PHACTR3: variants seen among roughly 807,000 people sequenced by gnomAD.
PHACTR3 encodes the protein protein phosphatase 1, regulatory subunit 123.
Under a neutral mutation model 66.8 loss-of-function variants are expected in PHACTR3, and 16 were observed. That is an observed-to-expected ratio of 0.24 (90% CI 0.16 to 0.36). PHACTR3 has a LOEUF of 0.36. PHACTR3 is among the 10% of genes least tolerant of loss of function. The probability of loss-of-function intolerance (pLI) is 1.00; values close to 1 mark genes in which losing one functional copy is unlikely to be tolerated. For missense variants in PHACTR3, 647 were observed against 719.9 expected, an observed-to-expected ratio of 0.90 and a Z score of 1.16; for synonymous variants, 323 against 292.1, an observed-to-expected ratio of 1.11 and a Z score of -1.08.
At chr20:59,766,389 GA>G (rs2040182051) in intron 4 of PHACTR3, among the ~76,000 whole-genome samples, 1 of 152,218 alleles carries the variant, frequency 6.6e-6, no homozygotes, top group African/African-American at 2.4e-5. Context: ...AAATGGAAAG[GA>G]ATCCAGGCAA....
chr20:59,707,864 C>T (rs929321139), intron 1 of PHACTR3, among the ~76,000 whole-genome samples: 7 of 152,136 alleles, frequency 4.6e-5, no homozygotes, highest in Admixed American at 4.6e-4. Context: ...ACATCAGTGC[C>T]GTATTTCTTG....
At chr20:59,726,911 G>C (rs1291442225) in intron 1 of PHACTR3, among the ~76,000 whole-genome samples, 1 of 152,072 alleles carries the variant, frequency 6.6e-6, no homozygotes, top group African/African-American at 2.4e-5. Flanking sequence ...TTCCTGCACT[G>C]TGTTTTGTCT....
At chr20:59,741,196 C>A (rs2039148288) in intron 1 of PHACTR3, among the ~76,000 whole-genome samples, 1 of 152,262 alleles carries the variant, frequency 6.6e-6, no homozygotes, top group African/African-American at 2.4e-5. Context: ...TCTGCATCAG[C>A]TTAGGGCTCC....
At chr20:59,608,287 G>T (rs974448205) in intron 1 of PHACTR3, among the ~76,000 whole-genome samples, 1 of 151,926 alleles carries the variant, frequency 6.6e-6, no homozygotes, top group Non-Finnish European at 1.5e-5. Flanking sequence ...TTTCCCCTAG[G>T]CCTGACCTTC....
intron 1 of PHACTR3, among the ~76,000 whole-genome samples, chr20:59,676,058 T>C (rs756540047): frequency 3.3e-5 from 5 of 152,202 alleles, no homozygotes; most frequent in African/African-American, 4.8e-5. Flanking sequence ...GGGACTTGGC[T>C]CCAGGCAGCC....
rs140205830 is a variant in PHACTR3, at chr20:59,730,514, G to A, written c.119-12593G>A. On this transcript the variant is annotated intron_variant, in intron 1 of 12. Coordinates refer to ENST00000371015, the MANE Select transcript of PHACTR3 (RefSeq NM_080672.5). Reference sequence around the variant, plus strand: ...CCCTGTTTGCTTGCTTGCTTGCGGGGTAGGCAGGAGTGGAAGCGGGAAACC... The same window carrying A: ...CCCTGTTTGCTTGCTTGCTTGCGGGATAGGCAGGAGTGGAAGCGGGAAACC... Among the ~76,000 whole-genome samples the A allele has an allele frequency of 6.8e-3, 1,030 of 152,206 alleles. 10 individuals carry two copies. Among genetic ancestry groups the A allele is most frequent in the African/African-American group, 0.023 (956 of 41,484 alleles).
At chr20:59,815,635 G>A (rs1230420325) in intron 8 of PHACTR3, among the ~76,000 whole-genome samples, 1 of 152,098 alleles carries the variant, frequency 6.6e-6, no homozygotes, top group Non-Finnish European at 1.5e-5. Context: ...ATGTTGGCCA[G>A]GATGGTCTTG....
rs193046808 is a variant in PHACTR3 at position 59,800,368 on chromosome 20, T to C, written c.1175-5673T>C. ...GCTGGTGATGAAATCTTCCAGCTTT[T>C]TTATGTCCAAGAAGGTACTTATTTT... On this transcript the variant is annotated intron_variant, in intron 7 of 12. Coordinates refer to ENST00000371015, the MANE Select transcript of PHACTR3 (RefSeq NM_080672.5). Among the ~76,000 whole-genome samples, 11 of 152,306 alleles carry C rather than the reference T, an allele frequency of 7.2e-5. No individual in the cohort carries two copies. The East Asian group carries it at 1.5e-3, about 21-fold the overall frequency.
intron 1 of PHACTR3, among the ~76,000 whole-genome samples, chr20:59,591,228 G>A (rs56030538): frequency 0.035 from 5,251 of 152,180 alleles, 132 homozygotes; most frequent in Middle Eastern, 0.078. Context: ...TCCCTCGCAC[G>A]GACACATCTC....
At chr20:59,827,848 G>C (rs749063369) in intron 8 of PHACTR3, among the ~76,000 whole-genome samples, 13 of 152,292 alleles carry the variant, frequency 8.5e-5, no homozygotes, top group Non-Finnish European at 1.3e-4. Flanking sequence ...GCTTGGCGGG[G>C]CTTCCTGGTG....
chr20:59,780,083 G>A (rs1316163335), intron 7 of PHACTR3, among the ~76,000 whole-genome samples: 1 of 152,168 alleles, frequency 6.6e-6, no homozygotes, highest in African/African-American at 2.4e-5. Flanking sequence ...GGGGAGCGAG[G>A]GACTGAGGGG....
At position 59,800,566 on chromosome 20, in the gene PHACTR3, C is replaced by A. The variant is rs532510962; in HGVS notation, c.1175-5475C>A. Among the ~76,000 whole-genome samples the A allele has an allele frequency of 2.6e-5, 4 of 152,200 alleles. No homozygotes were observed. In the East Asian group the frequency reaches 7.7e-4, roughly 29 times the overall value. On this transcript the variant is annotated intron_variant, in intron 7 of 12. Coordinates refer to ENST00000371015, the MANE Select transcript of PHACTR3 (RefSeq NM_080672.5). ...TCTATACAGTGAATACAGATAATGT[C>A]TTTTTATTTCTGTACACTTTTAATA... is the stretch of plus-strand genomic sequence containing the variant.
chr20:59,714,364 T>A (rs192155333), intron 1 of PHACTR3, among the ~76,000 whole-genome samples: 1 of 152,320 alleles, frequency 6.6e-6, no homozygotes, highest in Admixed American at 6.5e-5. Context: ...ATTAATTTTA[T>A]GTATGGTATG....
chr20:59,669,353 G>C (rs533816523), intron 1 of PHACTR3, among the ~76,000 whole-genome samples: 1 of 152,126 alleles, frequency 6.6e-6, no homozygotes. Flanking sequence ...AATCAGTGCC[G>C]CTTTTCCTCA....
At chr20:59,646,858 G>A (rs2035297010) in intron 1 of PHACTR3, among the ~76,000 whole-genome samples, 1 of 152,244 alleles carries the variant, frequency 6.6e-6, no homozygotes, top group Non-Finnish European at 1.5e-5. Flanking sequence ...GGAGGTATGA[G>A]TGACTCTGAA....
At chr20:59,832,898 C>G (rs1235600395) in intron 8 of PHACTR3, among the ~76,000 whole-genome samples, 1 of 152,212 alleles carries the variant, frequency 6.6e-6, no homozygotes, top group Non-Finnish European at 1.5e-5. Flanking sequence ...GAACGGTGGC[C>G]TGGCCTTGTT....
chr20:59,839,857 A>G (rs1168326042), intron 9 of PHACTR3, among the ~76,000 whole-genome samples: 1 of 152,238 alleles, frequency 6.6e-6, no homozygotes, highest in African/African-American at 2.4e-5. Flanking sequence ...CCAGGCAAGC[A>G]TATGCTGCCC....
intron 4 of PHACTR3, among the ~76,000 whole-genome samples, chr20:59,765,345 G>T (rs1314328872): frequency 6.6e-6 from 1 of 152,178 alleles, no homozygotes; most frequent in Non-Finnish European, 1.5e-5. Flanking sequence ...TTTCATGTGG[G>T]TATCCATGCA....
intron 1 of PHACTR3, among the ~76,000 whole-genome samples, chr20:59,622,043 C>A: frequency 6.6e-6 from 1 of 152,050 alleles, no homozygotes; most frequent in Non-Finnish European, 1.5e-5. Context: ...TGAGTCATTG[C>A]GTGTGTATGC....
Sources: allele counts gnomAD v4.1 joint callset (sites outside exome capture counted in the v4.1 genomes callset), GRCh38; gene constraint gnomAD v4.1.1; transcripts MANE v1.5; gene names NCBI Gene and HGNC (gene_info 2026-07-23, HGNC 2026-07-21).